Variants in VPS39 observed in about 807,000 individuals in gnomAD.
VPS39 encodes VPS39 subunit of HOPS complex, also known as vam6/Vps39-like protein.
Under a neutral mutation model 121.0 loss-of-function variants are expected in VPS39, and 70 were observed. The observed-to-expected ratio is 0.58, with a 90% CI of 0.48 to 0.71. The LOEUF (loss-of-function observed/expected upper bound fraction) is 0.71. VPS39 is among the 30% of genes least tolerant of loss of function. The pLI is 0.00. For synonymous variants in VPS39, 378 were observed against 398.1 expected (o/e 0.95, Z 0.60); for missense variants, 818 against 1,051.5 (o/e 0.78, Z 3.07).
At chr15:42,161,640 T>A in intron 24 of VPS39, 42 bp downstream of exon 24, 2 of 1,601,238 alleles carry the variant, frequency 1.2e-6, no homozygotes, top group South Asian at 2.2e-5. Flanking sequence ...CCTGGGAACC[T>A]CCACAAAGCC....
chr15:42,169,997 T>A, intron 11 of VPS39, 131 bp from the exon 12 acceptor site: 87 of 1,070,746 alleles, frequency 8.1e-5, no homozygotes, highest in Non-Finnish European at 9.9e-5. Flanking sequence ...TCTCAGTTCA[T>A]AAACATTCAA....
intron 19 of VPS39, 58 bp from the exon 20 acceptor site, chr15:42,163,786 G>T: frequency 7.7e-7 from 1 of 1,290,354 alleles, no homozygotes; most frequent in South Asian, 1.3e-5. Flanking sequence ...ACAAGGTGGG[G>T]GCTATGCTGT....
In VPS39 at chr15:42,162,481, C is replaced by T; in HGVS notation, c.2176G>A (p.Val726Met). The stretch of plus-strand genomic sequence containing the variant: ...TACATCCGAAGCAGGGACAGATACA[C>T]CTGTCTCAGAGAGACATGAGCTACG... ...YDRNKDGNKD[V>M]YLSLLRMYLS... The change falls in exon 22 of 25, where the codon GTG becomes ATG. Residue 726 changes from valine to methionine, a missense_variant and splice_region_variant. Coordinates refer to ENST00000318006, the MANE Select transcript of VPS39 (RefSeq NM_015289.5). The T allele has an allele frequency of 6.3e-7, 1 of 1,597,198 alleles. No individual in the cohort carries two copies. Among genetic ancestry groups the T allele is most frequent in the South Asian group, 1.1e-5 (1 of 89,014 alleles).
Position 42,160,634 on chromosome 15 carries a change from C to T in VPS39, c.*120G>A. 2 of 854,770 alleles carry T rather than the reference C, an allele frequency of 2.3e-6. No homozygotes were observed. The highest frequency in any genetic ancestry group is 3.3e-5 in the African/African-American group (2 of 60,234). 52.9% of individuals were successfully genotyped at this position (854,770 alleles called of 1,614,324 possible). A position where few individuals can be genotyped will look rare whatever the true frequency, so the allele number is the denominator to read the frequency against. The stretch of plus-strand genomic sequence containing the variant: ...GAGTTGTTCCAGGGCACAAGATAGC[C>T]AGTAATGTCCAAATGGGGAGCCTTG... On this transcript the variant is annotated 3_prime_UTR_variant, in exon 25 of 25. Coordinates refer to ENST00000318006, the MANE Select transcript of VPS39 (RefSeq NM_015289.5).
In VPS39 at chr15:42,189,161, T is replaced by C; in HGVS notation, c.295A>G (p.Thr99Ala). ...HDLLTFQQITTVSKAKGASLF... is the reference protein window; with the variant it reads ...HDLLTFQQITAVSKAKGASLF... ...GATGCTCCCTTTGCCTTTGAAACCGTAGTGATTTGTTGAAATGTCAATAGG... is the reference window on the plus strand; with the variant it reads ...GATGCTCCCTTTGCCTTTGAAACCGCAGTGATTTGTTGAAATGTCAATAGG... The change falls in exon 5 of 25, where the codon ACG becomes GCG. Residue 99 changes from threonine (T) to alanine (A), a missense_variant. Coordinates refer to ENST00000318006, the MANE Select transcript of VPS39 (RefSeq NM_015289.5). The C allele has an allele frequency of 6.2e-7, 1 of 1,613,954 alleles. No individual in the cohort carries two copies. Among genetic ancestry groups the C allele is most frequent in the Non-Finnish European group, 8.5e-7 (1 of 1,179,892 alleles).
chr15:42,200,028 T>C, intron 1 of VPS39, 67 bp from the exon 2 acceptor site: 1 of 1,476,118 alleles, frequency 6.8e-7, no homozygotes, highest in African/African-American at 1.5e-5. Context: ...GTCAATCAGC[T>C]TGAGTATAAC....
intron 2 of VPS39, among the ~76,000 whole-genome samples, chr15:42,194,958 C>T (rs368820353): frequency 1.3e-5 from 2 of 148,532 alleles, no homozygotes; most frequent in South Asian, 2.1e-4. Flanking sequence ...AAACAAAAAA[C>T]GAAATGTTTT....
At position 42,179,266 on chromosome 15, in the gene VPS39, G is replaced by A. The variant is rs528317864; in HGVS notation, c.719-696C>T. 1.1e-3 allele frequency among the ~76,000 whole-genome samples: 161 copies of A among 152,124 alleles called. 4 individuals are homozygous for A. In the South Asian group the frequency reaches 0.033, roughly 31 times the overall value. ...CAGAACCTCTTCTTTCATTCTCTTAGAAAAGTGGCGGGAGGGGGAAAGGCC... is the reference window on the plus strand; with the variant it reads ...CAGAACCTCTTCTTTCATTCTCTTAAAAAAGTGGCGGGAGGGGGAAAGGCC... On this transcript the variant is annotated intron_variant, in intron 8 of 24. Coordinates refer to ENST00000318006, the MANE Select transcript of VPS39 (RefSeq NM_015289.5).
chr15:42,203,399 C>T (rs556801268), intron 1 of VPS39, among the ~76,000 whole-genome samples: 3 of 151,780 alleles, frequency 2.0e-5, no homozygotes, highest in South Asian at 2.1e-4. Context: ...GCATGAACCC[C>T]GGAGGGAGAG....
At chr15:42,174,770 T>C (rs1400783114) in intron 10 of VPS39, among the ~76,000 whole-genome samples, 2 of 151,854 alleles carry the variant, frequency 1.3e-5, no homozygotes, top group Non-Finnish European at 2.9e-5. Flanking sequence ...GGTCAGGAGT[T>C]TGAGACCCAG....
At chr15:42,202,938 T>G (rs1385493633) in intron 1 of VPS39, among the ~76,000 whole-genome samples, 1 of 152,226 alleles carries the variant, frequency 6.6e-6, no homozygotes, top group East Asian at 1.9e-4. Context: ...TGAAGTCAAA[T>G]TCCTAAACAT....
At position 42,174,803 on chromosome 15, in the gene VPS39, G is replaced by A. The variant is rs149770261; in HGVS notation, c.961-951C>T. 2.3e-4 allele frequency among the ~76,000 whole-genome samples: 35 copies of A among 152,076 alleles called. No individual in the cohort carries two copies. In the East Asian group the frequency reaches 6.2e-3, roughly 27 times the overall value. ...CAGCCTGGCCAACATAGTGAAACCC[G>A]TCTCTACTAAAAATACAAAAATTAG... On this transcript the variant is annotated intron_variant, in intron 10 of 24. Coordinates refer to ENST00000318006, the MANE Select transcript of VPS39 (RefSeq NM_015289.5).
intron 1 of VPS39, among the ~76,000 whole-genome samples, chr15:42,201,439 T>C (rs1410506101): frequency 2.6e-5 from 4 of 152,336 alleles, no homozygotes; most frequent in African/African-American, 9.6e-5. Context: ...CTTCCCAAAG[T>C]GTTGGGATTA....
At chr15:42,202,174 C>T (rs2050081201) in intron 1 of VPS39, among the ~76,000 whole-genome samples, 1 of 152,152 alleles carries the variant, frequency 6.6e-6, no homozygotes. Flanking sequence ...GTCTGAATGG[C>T]AGTAGTTATA....
chr15:42,189,172 T>C lies in VPS39; in HGVS notation c.284A>G (p.Gln95Arg), dbSNP rs1376122484. Residue 95 changes from glutamine (Q) to arginine (R), a missense_variant, in exon 5 of 25, where the codon CAA becomes CGA. Transcript: ENST00000318006. ...TGCCTTTGAAACCGTAGTGATTTGT[T>C]GAAATGTCAATAGGTCATGGACATA... Reference protein sequence around the residue: ...NIYVHDLLTFQQITTVSKAKG... With the variant: ...NIYVHDLLTFRQITTVSKAKG... The C allele has an allele frequency of 1.2e-6, 2 of 1,613,926 alleles. No individual in the cohort carries two copies. The highest frequency in any genetic ancestry group is 2.2e-5 in the South Asian group (2 of 91,070).
intron 11 of VPS39, among the ~76,000 whole-genome samples, chr15:42,173,287 G>GT (rs2049381995): frequency 6.6e-6 from 1 of 152,166 alleles, no homozygotes; most frequent in African/African-American, 2.4e-5. Context: ...CCTGCTCCTC[G>GT]CCACTACACT....
In VPS39 at chr15:42,162,319, A is replaced by G. The variant is rs1482076737; in HGVS notation, c.2325+13T>C. 6.2e-7 allele frequency: 1 copy of G among 1,605,006 alleles called. No individual in the cohort carries two copies. Among genetic ancestry groups the G allele is most frequent in the African/African-American group, 1.3e-5 (1 of 74,726 alleles). On this transcript the variant is annotated intron_variant, in intron 22 of 24. Transcript: ENST00000318006. ...TGCAAACACCCTCCATCTCCCTAGG[A>G]ACAACTCCTGACCTTGGTGGTGTCC... is the stretch of plus-strand genomic sequence containing the variant.
At chr15:42,202,872 T>G (rs540498521) in intron 1 of VPS39, among the ~76,000 whole-genome samples, 1 of 152,224 alleles carries the variant, frequency 6.6e-6, no homozygotes, top group South Asian at 2.1e-4. Flanking sequence ...AGAGCAGATC[T>G]CTGATGCTGT....
At chr15:42,180,481 C>T (rs1433011084) in intron 8 of VPS39, among the ~76,000 whole-genome samples, 1 of 152,162 alleles carries the variant, frequency 6.6e-6, no homozygotes. Context: ...AACAATTCCA[C>T]ACAGTGCTAA....
Sources: allele counts gnomAD v4.1 joint callset (sites outside exome capture counted in the v4.1 genomes callset), GRCh38; gene constraint gnomAD v4.1.1; transcripts MANE v1.5; gene names NCBI Gene and HGNC (gene_info 2026-07-23, HGNC 2026-07-21).